Variants in TRAF2 observed in about 807,000 individuals in gnomAD.
TRAF2 encodes TNF receptor-associated factor 2.
A neutral mutation model predicts 55.6 loss-of-function variants in TRAF2; 6 were observed. The ratio of observed to expected loss-of-function variants is 0.11; its 90% CI spans 0.06 to 0.21. The LOEUF is 0.21. Ranked by LOEUF, TRAF2 falls within the 10% of genes least tolerant of loss-of-function variation. TRAF2 has a pLI of 1.00. For missense variants in TRAF2, 561 were observed against 684.5 expected (o/e 0.82, Z 2.01); for synonymous variants, 329 against 276.3 (o/e 1.19, Z -1.89).
rs189076097 is a variant in TRAF2 at position 136,913,783 on chromosome 9, G to C, written c.604-2758G>C. Among the ~76,000 whole-genome samples, 4 of 152,150 alleles carry C rather than the reference G, an allele frequency of 2.6e-5. No homozygotes were observed. In the East Asian group the frequency reaches 7.7e-4, roughly 29 times the overall value. On this transcript the variant is annotated intron_variant, in intron 6 of 10. Transcript: ENST00000247668. ...TCAGTCAGAGCTGTGCAGAGGCACA[G>C]GCCCCATCTCATCCTCCCAGCCCCT... is the stretch of plus-strand genomic sequence containing the variant.
At chr9:136,922,513 T>C (rs1850410895) in intron 9 of TRAF2, 1 of 153,200 alleles carries the variant, frequency 6.5e-6, no homozygotes, top group Non-Finnish European at 1.5e-5. Context: ...CCTGTTTGTG[T>C]GGAACATCTG....
At chr9:136,917,226 C>T (rs1850264275) in intron 7 of TRAF2, among the ~76,000 whole-genome samples, 1 of 152,360 alleles carries the variant, frequency 6.6e-6, no homozygotes, top group Middle Eastern at 3.4e-3. Flanking sequence ...AAATCGATCA[C>T]AGCTCTTCCT....
intron 8 of TRAF2, 93 bp downstream of exon 8, chr9:136,920,608 T>C (rs1426182773): frequency 5.6e-6 from 8 of 1,431,820 alleles, no homozygotes; most frequent in Non-Finnish European, 6.5e-6. Context: ...CCTGGAGCTT[T>C]AGAGCCCGGA....
intron 3 of TRAF2, 62 bp from the exon 4 acceptor site, chr9:136,900,360 T>G: frequency 8.0e-7 from 1 of 1,254,646 alleles, no homozygotes; most frequent in Non-Finnish European, 1.1e-6. Flanking sequence ...GTGGTCTGTG[T>G]TCCTTGGTTG....
chr9:136,900,688 TAGAAACTCAAGTAGTGC>T (rs1849800473), intron 4 of TRAF2, 168 bp downstream of exon 4: 2 of 698,972 alleles, frequency 2.9e-6, no homozygotes, highest in Non-Finnish European at 5.3e-6. Context: ...TATGTCCATT[TAGAAACTCAAGTAGTGC>T]AGAGCACAGA....
chr9:136,894,790 CT>C (rs1348462983), intron 1 of TRAF2, among the ~76,000 whole-genome samples: 1 of 152,106 alleles, frequency 6.6e-6, no homozygotes, highest in Non-Finnish European at 1.5e-5. Context: ...TGGAATTGGC[CT>C]GTGATTGGAC....
At chr9:136,890,697 T>C (rs1044953162) in intron 1 of TRAF2, among the ~76,000 whole-genome samples, 55 of 152,376 alleles carry the variant, frequency 3.6e-4, no homozygotes, top group African/African-American at 1.2e-3. Context: ...TCAAATAAAA[T>C]GTTTAAGGAA....
intron 5 of TRAF2, among the ~76,000 whole-genome samples, chr9:136,908,634 A>G (rs954137249): frequency 1.3e-5 from 2 of 152,180 alleles, no homozygotes; most frequent in African/African-American, 4.8e-5. Flanking sequence ...TGGGAGGCCG[A>G]GGCGGGCAGA....
chr9:136,900,182 AGAAT>A lies in TRAF2; in HGVS notation c.268-239_268-236del, dbSNP rs770371700. ...AGACCCCTCCTTTAAAAAAAAAAAA[AGAAT>A]AAAGGGCCGCCAGAAGTTGTCCCTT... On this transcript the variant is annotated intron_variant, in intron 3 of 10. Coordinates refer to ENST00000247668, the MANE Select transcript of TRAF2 (RefSeq NM_021138.4). Among the ~76,000 whole-genome samples the A allele has an allele frequency of 1.6e-4, 21 of 129,080 alleles. 2 individuals are homozygous for A. Among genetic ancestry groups the A allele is most frequent in the African/African-American group, 1.4e-4 (5 of 36,794 alleles). The allele number at this position is 129,080 out of a possible 152,430, so 84.7% of individuals were successfully genotyped here. A position where few individuals can be genotyped will look rare whatever the true frequency, so the allele number is the denominator to read the frequency against.
At chr9:136,905,432 G>T (rs1849924521) in intron 4 of TRAF2, among the ~76,000 whole-genome samples, 1 of 152,202 alleles carries the variant, frequency 6.6e-6, no homozygotes, top group South Asian at 2.1e-4. Flanking sequence ...GGTGCTGGGG[G>T]CTGGAGCAGG....
chr9:136,888,787 G>A (rs1478577834), intron 1 of TRAF2, among the ~76,000 whole-genome samples: 1 of 152,204 alleles, frequency 6.6e-6, no homozygotes, highest in Non-Finnish European at 1.5e-5. Flanking sequence ...CCAGCTTAGT[G>A]AAGGCCTCTG....
At chr9:136,905,825 C>T (rs1849935088) in intron 4 of TRAF2, among the ~76,000 whole-genome samples, 1 of 152,174 alleles carries the variant, frequency 6.6e-6, no homozygotes, top group African/African-American at 2.4e-5. Flanking sequence ...GGCTCTACCG[C>T]CGGGCGCGGT....
At chr9:136,886,875 G>GCCCTGCCCCGT (rs1849464104) in intron 1 of TRAF2, 1 of 152,656 alleles carries the variant, frequency 6.6e-6, no homozygotes, top group Non-Finnish European at 1.5e-5. Context: ...GGCCCACCCG[G>GCCCTGCCCCGT]CCCTGCCCCG....
In TRAF2 at chr9:136,908,111, T is replaced by C. The variant is rs760642274; in HGVS notation, c.408T>C (p.Cys136=). 1 of 1,605,998 alleles carries C rather than the reference T, an allele frequency of 6.2e-7. No homozygotes were observed. Among genetic ancestry groups the C allele is most frequent in the Non-Finnish European group, 8.5e-7 (1 of 1,179,928 alleles). ...GCTGCCCGCTCATGCTGACCGAATG[T>C]CCCGCGTGCAAAGGCCTGGTCCGCC... The part of the protein sequence containing the change: ...EGRCPLMLTE[C]PACKGLVRLG... Residue 136 remains cysteine, a synonymous_variant, in exon 5 of 11, where the codon TGT becomes TGC. Coordinates refer to ENST00000247668, the MANE Select transcript of TRAF2 (RefSeq NM_021138.4).
At chr9:136,897,877 C>A (rs1196336360) in intron 1 of TRAF2, among the ~76,000 whole-genome samples, 1 of 139,874 alleles carries the variant, frequency 7.1e-6, no homozygotes, top group Non-Finnish European at 1.5e-5. Flanking sequence ...GCTACGTTCC[C>A]GCTCTCGGGG....
At chr9:136,886,213 C>T (rs907910598), upstream of TRAF2, 2 of 173,362 alleles carry the variant, frequency 1.2e-5, no homozygotes, top group Non-Finnish European at 2.3e-5. Context: ...CACAGCGCAG[C>T]ACCTCACCAG....
intron 1 of TRAF2, among the ~76,000 whole-genome samples, chr9:136,888,181 A>T (rs1055157536): frequency 6.6e-6 from 1 of 152,210 alleles, no homozygotes; most frequent in Non-Finnish European, 1.5e-5. Context: ...ATGAAATTAC[A>T]GTTTTAAAGT....
At chr9:136,909,830 G>A (rs1179500125) in intron 5 of TRAF2, 90 bp from the exon 6 acceptor site, 4 of 1,369,232 alleles carry the variant, frequency 2.9e-6, no homozygotes, top group African/African-American at 1.4e-5. Flanking sequence ...GCGGCCCCTC[G>A]GCGCTGCCCA....
intron 4 of TRAF2, among the ~76,000 whole-genome samples, chr9:136,904,922 G>T (rs1849911674): frequency 2.6e-5 from 4 of 152,218 alleles, no homozygotes; most frequent in Admixed American, 2.6e-4. Context: ...CCTTTAGCAG[G>T]CTTAGCTTGG....
Sources: gnomAD v4.1 joint callset for allele counts (sites outside exome capture counted in the v4.1 genomes callset) on GRCh38, gnomAD v4.1.1 for gene constraint, MANE v1.5 for transcripts, NCBI Gene and HGNC (gene_info 2026-07-23, HGNC 2026-07-21) for gene names.